BAZ1A: variants seen among roughly 807,000 people sequenced by gnomAD.
BAZ1A encodes the protein bromodomain adjacent to zinc finger domain protein 1A.
In BAZ1A, 50 loss-of-function variants were observed where a neutral mutation model predicts 185.2. The observed-to-expected ratio is 0.27, with a 90% CI of 0.22 to 0.34. The LOEUF (loss-of-function observed/expected upper bound fraction) is 0.34. Ranked by LOEUF, BAZ1A falls within the 10% of genes least tolerant of loss-of-function variation. BAZ1A has a pLI of 1.00. For synonymous variants in BAZ1A, 571 were observed against 615.6 expected (o/e 0.93, Z 1.07); for missense variants, 1,356 against 1,839.9 (o/e 0.74, Z 4.81).
In BAZ1A at chr14:34,862,339, A is replaced by G. The variant is rs1252874142; in HGVS notation, c.114-17T>C. Reference sequence around the variant, plus strand: ...AAAAAGTCACTGATTAAAAAACAAAAACAAAAACAAAAGCCCATTACCTAT... The same window carrying G: ...AAAAAGTCACTGATTAAAAAACAAAGACAAAAACAAAAGCCCATTACCTAT... On this transcript the variant is annotated splice_polypyrimidine_tract_variant and intron_variant, in intron 2 of 26. Coordinates refer to ENST00000360310, the MANE Select transcript of BAZ1A (RefSeq NM_013448.3). The G allele has an allele frequency of 6.3e-7, 1 of 1,582,852 alleles. No homozygotes were observed. The highest frequency in any genetic ancestry group is 1.4e-5 in the African/African-American group (1 of 73,314).
intron 4 of BAZ1A, among the ~76,000 whole-genome samples, chr14:34,825,448 A>C (rs1227536375): frequency 3.7e-5 from 1 of 27,006 alleles, no homozygotes; most frequent in African/African-American, 9.1e-5. Flanking sequence ...ACTCTGTCTC[A>C]AAAAAAAAAA....
At chr14:34,797,472 T>C (rs770290271) in intron 9 of BAZ1A, among the ~76,000 whole-genome samples, 69 of 152,030 alleles carry the variant, frequency 4.5e-4, no homozygotes, top group Non-Finnish European at 8.8e-4. Context: ...GGCAGGAGAA[T>C]TGCTTGAATC....
intron 21 of BAZ1A, chr14:34,768,546 C>T (rs1387009239): frequency 4.1e-6 from 1 of 242,086 alleles, no homozygotes; most frequent in Non-Finnish European, 8.2e-6. Flanking sequence ...AAGCTTACCC[C>T]CAAGTCCATT....
chr14:34,830,855 A>G (rs948951618), intron 3 of BAZ1A, among the ~76,000 whole-genome samples: 6 of 148,518 alleles, frequency 4.0e-5, no homozygotes, highest in Admixed American at 3.4e-4. Flanking sequence ...TCCCGGGTTC[A>G]ACTGATTCTC....
At chr14:34,844,653 A>G (rs2042474905) in intron 3 of BAZ1A, among the ~76,000 whole-genome samples, 1 of 151,752 alleles carries the variant, frequency 6.6e-6, no homozygotes, top group African/African-American at 2.4e-5. Flanking sequence ...GTGGTGGCAT[A>G]AGCCTAAAGT....
At chr14:34,773,755 T>A in intron 19 of BAZ1A, 29 bp from the exon 20 acceptor site, 1 of 1,607,422 alleles carries the variant, frequency 6.2e-7, no homozygotes, top group Non-Finnish European at 8.5e-7. Flanking sequence ...TTACTAACCA[T>A]GAAAAATGGA....
At chr14:34,805,190 G>A (rs1594858301) in intron 6 of BAZ1A, among the ~76,000 whole-genome samples, 1 of 152,328 alleles carries the variant, frequency 6.6e-6, no homozygotes, top group East Asian at 1.9e-4. Flanking sequence ...ACAAAACTGT[G>A]AGCCGATTAA....
At chr14:34,827,768 A>C (rs2042185181) in intron 3 of BAZ1A, among the ~76,000 whole-genome samples, 1 of 151,756 alleles carries the variant, frequency 6.6e-6, no homozygotes, top group South Asian at 2.1e-4. Context: ...ATATATTGGC[A>C]CAATATCTTA....
intron 23 of BAZ1A, among the ~76,000 whole-genome samples, chr14:34,762,805 A>G (rs557620065): frequency 1.6e-4 from 24 of 152,356 alleles, no homozygotes; most frequent in African/African-American, 5.5e-4. Context: ...ATCATTATGA[A>G]AATTAAGTCC....
chr14:34,804,269 A>G (rs568791930), intron 6 of BAZ1A, among the ~76,000 whole-genome samples: 1 of 152,280 alleles, frequency 6.6e-6, no homozygotes, highest in South Asian at 2.1e-4. Context: ...TGGCCTCCCA[A>G]AGTGCTGGGA....
intron 3 of BAZ1A, among the ~76,000 whole-genome samples, chr14:34,852,904 C>T (rs2042618958): frequency 1.3e-5 from 2 of 152,102 alleles, no homozygotes; most frequent in Admixed American, 6.6e-5. Context: ...GTAAATCAGT[C>T]CTCCTTGAAT....
At chr14:34,781,246 C>G (rs1266280068) in intron 16 of BAZ1A, among the ~76,000 whole-genome samples, 1 of 133,516 alleles carries the variant, frequency 7.5e-6, no homozygotes, top group African/African-American at 2.5e-5. Context: ...TGTTACTTTT[C>G]TTTTTTAAAA....
chr14:34,771,988 A>T (rs1429519916), intron 20 of BAZ1A, among the ~76,000 whole-genome samples: 1 of 151,582 alleles, frequency 6.6e-6, no homozygotes, highest in African/African-American at 2.4e-5. Context: ...ACAGTCTCGC[A>T]CTGTTGCCCA....
intron 2 of BAZ1A, among the ~76,000 whole-genome samples, chr14:34,865,083 T>A (rs927849218): frequency 7.2e-5 from 11 of 152,064 alleles, no homozygotes; most frequent in African/African-American, 1.4e-4. Flanking sequence ...GCCAATATAA[T>A]TTTTTTTAAG....
At chr14:34,816,080 C>CTTTTTTTTTTTTTTTTTT (rs35830800) in intron 4 of BAZ1A, among the ~76,000 whole-genome samples, 1 of 79,394 alleles carries the variant, frequency 1.3e-5, no homozygotes, top group South Asian at 5.8e-4. Flanking sequence ...TATTCCAGAC[C>CTTTTTTTTTTTTTTTTTT]TTTTTTTTTT....
intron 18 of BAZ1A, 53 bp downstream of exon 18, chr14:34,775,866 C>G (rs758221773): frequency 2.8e-6 from 4 of 1,412,408 alleles, no homozygotes; most frequent in Non-Finnish European, 3.9e-6. Flanking sequence ...CCTGAATGAC[C>G]AGAGATTAGG....
intron 12 of BAZ1A, among the ~76,000 whole-genome samples, chr14:34,791,307 T>A (rs1315172951): frequency 6.6e-6 from 1 of 152,218 alleles, no homozygotes; most frequent in African/African-American, 2.4e-5. Context: ...TGGAATTAAA[T>A]ACAGCTTTAT....
chr14:34,781,502 A>G (rs1880037534), intron 16 of BAZ1A, among the ~76,000 whole-genome samples: 1 of 150,328 alleles, frequency 6.7e-6, no homozygotes, highest in African/African-American at 2.4e-5. Flanking sequence ...GAGTCATACA[A>G]CATGTGATCT....
chr14:34,773,723 T>C lies in BAZ1A; in HGVS notation c.3001A>G (p.Thr1001Ala). The C allele has an allele frequency of 6.2e-7, 1 of 1,613,268 alleles. No individual in the cohort carries two copies. Among genetic ancestry groups the C allele is most frequent in the Non-Finnish European group, 8.5e-7 (1 of 1,179,812 alleles). Residue 1001 changes from threonine to alanine, a missense_variant, in exon 20 of 27, where the codon ACA (threonine) becomes GCA (alanine). This residue lies in a region of BAZ1A where 434 missense variants were observed against 561.7 expected (regional missense o/e 0.77). Coordinates refer to ENST00000360310, the MANE Select transcript of BAZ1A (RefSeq NM_013448.3). Reference sequence around the variant, plus strand: ...GCTGATCTCCAGATATGTCGATCTGTAACCTGTAACAAAATTCAAACTTAC... The same window carrying C: ...GCTGATCTCCAGATATGTCGATCTGCAACCTGTAACAAAATTCAAACTTAC... ...YQGTLGAIKV[T>A]DRHIWRSALE...
Sources: allele counts gnomAD v4.1 joint callset (sites outside exome capture counted in the v4.1 genomes callset), GRCh38; gene constraint gnomAD v4.1.1; regional missense constraint gnomAD v4.1.1; transcripts MANE v1.5; gene names NCBI Gene and HGNC (gene_info 2026-07-23, HGNC 2026-07-21).